The following BUD23 variants were observed in gnomAD, a reference collection of about 807,000 sequenced individuals.
The protein encoded by BUD23 is BUD23 rRNA methyltransferase and ribosome maturation factor.
A neutral mutation model predicts 47.0 loss-of-function variants in BUD23; 34 were observed. The observed-to-expected ratio is 0.72, with a 90% CI of 0.55 to 0.96. The LOEUF (loss-of-function observed/expected upper bound fraction) is 0.96. Among genes scored for constraint, BUD23 ranks in the 40% least tolerant of loss-of-function variants. BUD23 has a pLI of 0.00. For missense variants in BUD23, 343 were observed against 361.2 expected, an observed-to-expected ratio of 0.95 and a Z score of 0.41; for synonymous variants, 124 against 132.0, an observed-to-expected ratio of 0.94 and a Z score of 0.41.
At chr7:73,684,832 G>A (rs1797886989) in intron 2 of BUD23, among the ~76,000 whole-genome samples, 1 of 144,598 alleles carries the variant, frequency 6.9e-6, no homozygotes, top group African/African-American at 2.6e-5. Flanking sequence ...GCTGAGGCAG[G>A]AGAATAGCTT....
chr7:73,693,455 G>A, intron 8 of BUD23, 41 bp downstream of exon 8: 1 of 1,611,332 alleles, frequency 6.2e-7, no homozygotes, highest in Non-Finnish European at 8.5e-7. Context: ...GCTGCAGGAG[G>A]GAGGGTAGTG....
At chr7:73,687,219 A>G (rs1798009195) in intron 5 of BUD23, 124 bp downstream of exon 5, 6 of 972,118 alleles carry the variant, frequency 6.2e-6, no homozygotes, top group Non-Finnish European at 9.2e-6. Context: ...GGTTCAGGTG[A>G]TCTGCCCACC....
chr7:73,687,311 T>C (rs181357959), intron 5 of BUD23, among the ~76,000 whole-genome samples: 1 of 152,274 alleles, frequency 6.6e-6, no homozygotes, highest in East Asian at 1.9e-4. Flanking sequence ...GGAGTCTTGC[T>C]CTGTCACCAG....
chr7:73,692,809 G>A (rs1465784854), intron 7 of BUD23, 163 bp downstream of exon 7: 2 of 650,972 alleles, frequency 3.1e-6, no homozygotes, highest in East Asian at 2.8e-5. Flanking sequence ...ATATCCTAAG[G>A]GGGTGGCATC....
intron 2 of BUD23, among the ~76,000 whole-genome samples, chr7:73,685,316 T>C (rs969970059): frequency 2.6e-5 from 4 of 152,234 alleles, no homozygotes; most frequent in Non-Finnish European, 4.4e-5. Context: ...ACTGTTTCTT[T>C]TTTTTAGGGA....
rs191665924 is a variant in BUD23, at chr7:73,688,288, G to C, written c.362+1193G>C. Among the ~76,000 whole-genome samples, 14 of 151,880 alleles carry C rather than the reference G, an allele frequency of 9.2e-5. No homozygotes were observed. The East Asian group carries it at 2.7e-3, about 30-fold the overall frequency. ...AATTGCTTGAACCCGAGAGGCGGAGGTTGCAGTGAGCCGAGTCCACGCCAT... is the reference window on the plus strand; with the variant it reads ...AATTGCTTGAACCCGAGAGGCGGAGCTTGCAGTGAGCCGAGTCCACGCCAT... On this transcript the variant is annotated intron_variant, in intron 5 of 11. Coordinates refer to ENST00000265758, the MANE Select transcript of BUD23 (RefSeq NM_017528.5).
At chr7:73,693,173 T>C in intron 7 of BUD23, 156 bp from the exon 8 acceptor site, 3 of 683,288 alleles carry the variant, frequency 4.4e-6, no homozygotes, top group Non-Finnish European at 7.9e-6. Flanking sequence ...TGCCAGATTC[T>C]AGCCTGTACT....
At chr7:73,683,900 G>A in intron 2 of BUD23, 96 bp downstream of exon 2, 1 of 1,610,246 alleles carries the variant, frequency 6.2e-7, no homozygotes, top group Non-Finnish European at 8.5e-7. Flanking sequence ...TAGAATTTGG[G>A]GGTGCGGGAA....
At position 73,686,931 on chromosome 7, in the gene BUD23, A is replaced by G. The variant is rs558505632; in HGVS notation, c.265+31A>G. The G allele has an allele frequency of 2.5e-6, 4 of 1,612,990 alleles. No individual in the cohort carries two copies. In the South Asian group the frequency reaches 4.4e-5, roughly 18 times the overall value. Reference sequence around the variant, plus strand: ...TATGTCCTGTCTGGCACCAGGGTGGATTACCCTGATGGGTGTGGAGAAGCC... The same window carrying G: ...TATGTCCTGTCTGGCACCAGGGTGGGTTACCCTGATGGGTGTGGAGAAGCC... On this transcript the variant is annotated intron_variant, in intron 4 of 11. Coordinates refer to ENST00000265758, the MANE Select transcript of BUD23 (RefSeq NM_017528.5).
intron 10 of BUD23, chr7:73,696,250 T>C (rs1554614823): frequency 6.6e-6 from 1 of 152,216 alleles, no homozygotes; most frequent in Non-Finnish European, 1.5e-5. Context: ...GGGTCTTTGC[T>C]CATTTCCCTT....
In BUD23 at chr7:73,697,996, T is replaced by TAA; in HGVS notation, c.*118_*119dup. 1.5e-6 allele frequency: 2 copies of TAA among 1,362,264 alleles called. No individual in the cohort carries two copies. Among genetic ancestry groups the TAA allele is most frequent in the Non-Finnish European group, 2.0e-6 (2 of 1,023,172 alleles). The allele number at this position is 1,362,264 out of a possible 1,614,324, so 84.4% of individuals were successfully genotyped here. On this transcript the variant is annotated 3_prime_UTR_variant, in exon 12 of 12. Coordinates refer to ENST00000265758, the MANE Select transcript of BUD23 (RefSeq NM_017528.5). ...AAAGTTATAAAAATGTTTTCTGCAG[T>TAA]AAAAAAAAAGTTCTCTGGGCCGGGC... is the stretch of plus-strand genomic sequence containing the variant.
intron 5 of BUD23, among the ~76,000 whole-genome samples, chr7:73,688,120 T>A (rs562347117): frequency 6.6e-6 from 1 of 152,054 alleles, no homozygotes. Flanking sequence ...ATGGTCTCAA[T>A]CTCCTGACCT....
At chr7:73,692,497 A>G (rs563268779) in intron 6 of BUD23, 99 bp from the exon 7 acceptor site, 1 of 1,207,508 alleles carries the variant, frequency 8.3e-7, no homozygotes, top group South Asian at 1.3e-5. Flanking sequence ...CACATAATGG[A>G]AATTCAGGAA....
At chr7:73,692,945 T>C (rs1459233967) in intron 7 of BUD23, 40 of 548,874 alleles carry the variant, frequency 7.3e-5, no homozygotes, top group Non-Finnish European at 1.2e-4. Context: ...CACCGACAGT[T>C]CTCCGTTGTG....
intron 10 of BUD23, chr7:73,696,406 G>A (rs527986307): frequency 1.3e-5 from 2 of 152,294 alleles, no homozygotes; most frequent in African/African-American, 4.8e-5. Flanking sequence ...TGTGTCTTAG[G>A]ATCCTTCTTG....
At position 73,687,093 on chromosome 7, in the gene BUD23, C is replaced by G; in HGVS notation, c.360C>G (p.Ile120Met). 1.9e-6 allele frequency: 3 copies of G among 1,613,310 alleles called. No homozygotes were observed. The highest frequency in any genetic ancestry group is 2.5e-6 in the Non-Finnish European group (3 of 1,179,980). ...AGCCAGGCACATTTGATGGTTGCAT[C>G]AGGTGAGGGTCTTTAATTCCTGCTT... ...PFKPGTFDGC[I>M]SISAVQWLCN... Residue 120 changes from isoleucine to methionine, a missense_variant and splice_region_variant, in exon 5 of 12, where the codon ATC becomes ATG. Coordinates refer to ENST00000265758, the MANE Select transcript of BUD23 (RefSeq NM_017528.5).
At chr7:73,692,779 A>T (rs1798243531) in intron 7 of BUD23, 133 bp downstream of exon 7, 1 of 834,574 alleles carries the variant, frequency 1.2e-6, no homozygotes, top group South Asian at 1.8e-5. Flanking sequence ...GTGGCCCCTG[A>T]TGGCACATTT....
chr7:73,694,870 A>G (rs1475719935), intron 10 of BUD23: 1 of 152,292 alleles, frequency 6.6e-6, no homozygotes, highest in African/African-American at 2.4e-5. Flanking sequence ...GTGGTGCTGT[A>G]AATGCCAGCC....
intron 10 of BUD23, 108 bp from the exon 11 acceptor site, chr7:73,697,497 C>T (rs781950896): frequency 2.3e-5 from 37 of 1,577,998 alleles, no homozygotes; most frequent in Non-Finnish European, 2.9e-5. Flanking sequence ...AAGGGGCATC[C>T]GAGGCCACCA....
Sources: allele counts gnomAD v4.1 joint callset (sites outside exome capture counted in the v4.1 genomes callset), GRCh38; gene constraint gnomAD v4.1.1; transcripts MANE v1.5; gene names NCBI Gene and HGNC (gene_info 2026-07-23, HGNC 2026-07-21).